The following PDE3B variants were observed in gnomAD, a reference collection of about 807,000 sequenced individuals.
PDE3B encodes the protein cGMP-inhibited 3',5'-cyclic phosphodiesterase 3B.
A neutral mutation model predicts 116.8 loss-of-function variants in PDE3B; 66 were observed. The observed-to-expected ratio is 0.56, with a 90% confidence interval of 0.46 to 0.69. The LOEUF (loss-of-function observed/expected upper bound fraction) is 0.69. Ranked by LOEUF, PDE3B falls within the 30% of genes least tolerant of loss-of-function variation. PDE3B has a pLI of 0.00. For missense variants in PDE3B, 1,384 were observed against 1,368.1 expected, an observed-to-expected ratio of 1.01 and a Z score of -0.18; for synonymous variants, 595 against 533.6, an observed-to-expected ratio of 1.12 and a Z score of -1.59.
chr11:14,752,983 G>C (rs1029625448), intron 1 of PDE3B, among the ~76,000 whole-genome samples: 2 of 152,008 alleles, frequency 1.3e-5, no homozygotes, highest in African/African-American at 4.8e-5. Flanking sequence ...TAGCTAAACT[G>C]ATAAACTACT....
At chr11:14,817,406 G>A (rs1043184352) in intron 5 of PDE3B, among the ~76,000 whole-genome samples, 3 of 152,000 alleles carry the variant, frequency 2.0e-5, no homozygotes, top group Non-Finnish European at 4.4e-5. Flanking sequence ...TGCACATTGT[G>A]CACATGTACC....
intron 1 of PDE3B, among the ~76,000 whole-genome samples, chr11:14,693,844 T>G (rs930396364): frequency 3.3e-5 from 5 of 152,176 alleles, no homozygotes; most frequent in African/African-American, 1.2e-4. Context: ...GAATTACATC[T>G]TATAAGGCTA....
chr11:14,828,624 C>T (rs924554533), intron 7 of PDE3B, among the ~76,000 whole-genome samples: 1 of 152,172 alleles, frequency 6.6e-6, no homozygotes, highest in African/African-American at 2.4e-5. Context: ...CATCTAACAC[C>T]AGTCAGAATG....
chr11:14,698,494 T>C (rs560283869), intron 1 of PDE3B, among the ~76,000 whole-genome samples: 2 of 152,068 alleles, frequency 1.3e-5, no homozygotes, highest in South Asian at 4.1e-4. Flanking sequence ...TATCCTTATA[T>C]ATTGCTGGGT....
At chr11:14,649,389 A>G (rs1197824431) in intron 1 of PDE3B, among the ~76,000 whole-genome samples, 1 of 152,222 alleles carries the variant, frequency 6.6e-6, no homozygotes, top group Non-Finnish European at 1.5e-5. Flanking sequence ...TATATATTGT[A>G]CAAGGAAAAT....
intron 1 of PDE3B, among the ~76,000 whole-genome samples, chr11:14,675,302 G>A (rs572761622): frequency 6.6e-6 from 1 of 151,680 alleles, no homozygotes; most frequent in Admixed American, 6.6e-5. Flanking sequence ...ATAATCTTTG[G>A]GGTCGTTCCT....
At chr11:14,860,106 G>A (rs989241060) in intron 13 of PDE3B, among the ~76,000 whole-genome samples, 6 of 152,180 alleles carry the variant, frequency 3.9e-5, no homozygotes, top group African/African-American at 1.4e-4. Flanking sequence ...ATAAAAATCA[G>A]TGAGAAGTAA....
intron 1 of PDE3B, among the ~76,000 whole-genome samples, chr11:14,669,774 G>A (rs147585612): frequency 2.0e-3 from 302 of 152,118 alleles, no homozygotes; most frequent in Non-Finnish European, 3.2e-3. Context: ...CTGCAGTATC[G>A]GAGGAAGGTC....
chr11:14,699,785 G>A (rs1465744132), intron 1 of PDE3B, among the ~76,000 whole-genome samples: 1 of 151,814 alleles, frequency 6.6e-6, no homozygotes, highest in African/African-American at 2.4e-5. Context: ...TTTTAAAGCA[G>A]AAGGTGTTAT....
chr11:14,892,872 C>A, the PDE3B span, among the ~76,000 whole-genome samples: 4 of 152,210 alleles, frequency 2.6e-5, no homozygotes, highest in Non-Finnish European at 5.9e-5. Context: ...TATTGGCAAT[C>A]ACGGGACTCT....
chr11:14,842,564 T>C (rs1847498187), intron 11 of PDE3B, among the ~76,000 whole-genome samples: 1 of 152,198 alleles, frequency 6.6e-6, no homozygotes, highest in African/African-American at 2.4e-5. Flanking sequence ...TCATGTTTGC[T>C]TTTTATAATT....
rs527592605 is a variant in PDE3B at position 14,730,478 on chromosome 11, A to G, written c.979-41459A>G. ...ATTTCATTCTTTTATAAATTCTTTTAACATTATTGTTGCATAAGAGAAAAA... is the reference window on the plus strand; with the variant it reads ...ATTTCATTCTTTTATAAATTCTTTTGACATTATTGTTGCATAAGAGAAAAA... On this transcript the variant is annotated intron_variant, in intron 1 of 15. Coordinates refer to ENST00000282096, the MANE Select transcript of PDE3B (RefSeq NM_000922.4). Among the ~76,000 whole-genome samples, 31 of 152,326 alleles carry G rather than the reference A, an allele frequency of 2.0e-4. No homozygotes were observed. In the South Asian group the frequency reaches 6.2e-3, roughly 31 times the overall value.
rs750202417 is a variant in PDE3B at position 14,762,154 on chromosome 11, C to CT, written c.979-9770dup. Among the ~76,000 whole-genome samples the CT allele has an allele frequency of 1.7e-3, 238 of 143,690 alleles. 2 individuals carry two copies. Among genetic ancestry groups the CT allele is most frequent in the African/African-American group, 3.4e-3 (133 of 39,636 alleles). The allele number at this position is 143,690 out of a possible 152,430, so 94.3% of individuals were successfully genotyped here. Reference sequence around the variant, plus strand: ...AGACCCTGTCTCTACGGATTTTATACTTTTTTTTTTTTTGAAATGGGATCT... The same window carrying CT: ...AGACCCTGTCTCTACGGATTTTATACTTTTTTTTTTTTTTGAAATGGGATCT... On this transcript the variant is annotated intron_variant, in intron 1 of 15. Coordinates refer to ENST00000282096, the MANE Select transcript of PDE3B (RefSeq NM_000922.4).
At chr11:14,867,442 C>G (rs1050019965) in intron 14 of PDE3B, 64 bp from the exon 15 acceptor site, 4 of 1,402,204 alleles carry the variant, frequency 2.9e-6, no homozygotes, top group Non-Finnish European at 3.9e-6. Context: ...ATAATTTTAA[C>G]AGCAAAGCTC....
chr11:14,715,034 A>G (rs1344600849), intron 1 of PDE3B, among the ~76,000 whole-genome samples: 2 of 152,172 alleles, frequency 1.3e-5, no homozygotes, highest in Non-Finnish European at 2.9e-5. Context: ...TTTATTAATT[A>G]ATTGTTTATG....
chr11:14,755,873 A>G (rs1217310426), intron 1 of PDE3B, among the ~76,000 whole-genome samples: 1 of 152,212 alleles, frequency 6.6e-6, no homozygotes, highest in African/African-American at 2.4e-5. Flanking sequence ...TGTGAGCTAA[A>G]CAATTATTCA....
intron 1 of PDE3B, among the ~76,000 whole-genome samples, chr11:14,720,730 G>A (rs1267530499): frequency 1.2e-4 from 1 of 8,348 alleles, no homozygotes; most frequent in Non-Finnish European, 2.0e-4. Flanking sequence ...TATGTAGAAA[G>A]CTGAAACTGG....
chr11:14,724,305 A>G (rs1417232456), intron 1 of PDE3B, among the ~76,000 whole-genome samples: 25 of 152,188 alleles, frequency 1.6e-4, no homozygotes, highest in Admixed American at 1.6e-3. Flanking sequence ...GGTACAGAAC[A>G]TTAATAGGAA....
chr11:14,658,113 G>T (rs1315568755), intron 1 of PDE3B, among the ~76,000 whole-genome samples: 1 of 152,094 alleles, frequency 6.6e-6, no homozygotes, highest in Non-Finnish European at 1.5e-5. Context: ...AGCAAAAAAA[G>T]GGGTAGAATT....
Sources: gnomAD v4.1 joint callset for allele counts (sites outside exome capture counted in the v4.1 genomes callset) on GRCh38, gnomAD v4.1.1 for gene constraint, MANE v1.5 for transcripts, NCBI Gene and HGNC (gene_info 2026-07-23, HGNC 2026-07-21) for gene names.